GULP1: variants seen among roughly 807,000 people sequenced by gnomAD.
GULP1 encodes the protein GULP PTB domain containing engulfment adaptor 1.
A neutral mutation model predicts 40.9 loss-of-function variants in GULP1; 19 were observed. The ratio of observed to expected loss-of-function variants is 0.46; its 90% CI spans 0.32 to 0.68. GULP1 has a LOEUF of 0.68. GULP1 is among the 30% of genes least tolerant of loss of function. The pLI is 0.03. For synonymous variants in GULP1, 119 were observed against 117.6 expected (o/e 1.01, Z -0.08); for missense variants, 312 against 362.2 (o/e 0.86, Z 1.12).
chr2:188,418,300 C>T (rs984225136), intron 2 of GULP1, among the ~76,000 whole-genome samples: 21 of 152,074 alleles, frequency 1.4e-4, no homozygotes, highest in African/African-American at 5.1e-4. Flanking sequence ...TTGTGCTTCA[C>T]GTGTTTCATG....
chr2:188,317,832 C>T (rs115374367), intron 1 of GULP1, among the ~76,000 whole-genome samples: 4 of 150,366 alleles, frequency 2.7e-5, no homozygotes, highest in Non-Finnish European at 4.4e-5. Flanking sequence ...TATAGTGGAT[C>T]GAAGATGATA....
At chr2:188,474,677 A>G (rs1181560209) in intron 2 of GULP1, among the ~76,000 whole-genome samples, 1 of 152,136 alleles carries the variant, frequency 6.6e-6, no homozygotes, top group Non-Finnish European at 1.5e-5. Flanking sequence ...AAAACCAGGC[A>G]CTGTGAGTGC....
chr2:188,380,145 T>C (rs1434001386), intron 1 of GULP1, among the ~76,000 whole-genome samples: 6 of 152,182 alleles, frequency 3.9e-5, no homozygotes, highest in East Asian at 1.9e-4. Flanking sequence ...GTATGACTAT[T>C]TGCATGTCAT....
At chr2:188,463,771 A>G (rs994686254) in intron 2 of GULP1, among the ~76,000 whole-genome samples, 9 of 151,704 alleles carry the variant, frequency 5.9e-5, no homozygotes, top group African/African-American at 2.2e-4. Flanking sequence ...CCTCTGCTTT[A>G]TCAATTCTTC....
chr2:188,374,645 CA>C (rs2048060597), intron 1 of GULP1, among the ~76,000 whole-genome samples: 1 of 151,738 alleles, frequency 6.6e-6, no homozygotes, highest in Admixed American at 6.6e-5. Flanking sequence ...TAACTTATTC[CA>C]CATTCCCACT....
intron 5 of GULP1, among the ~76,000 whole-genome samples, chr2:188,527,530 AT>A (rs1398038065): frequency 1.5e-5 from 2 of 130,232 alleles, no homozygotes; most frequent in Non-Finnish European, 3.4e-5. Context: ...AGCTGGGATA[AT>A]TTTTAAAGAT....
intron 1 of GULP1, among the ~76,000 whole-genome samples, chr2:188,315,871 A>G (rs34583514): frequency 0.11 from 16,614 of 152,138 alleles, 1,191 homozygotes; most frequent in Middle Eastern, 0.17. Flanking sequence ...AAAATATCTT[A>G]ATATTTTCAG....
At chr2:188,503,185 C>G (rs1271942176) in intron 4 of GULP1, among the ~76,000 whole-genome samples, 1 of 151,868 alleles carries the variant, frequency 6.6e-6, no homozygotes, top group Admixed American at 6.6e-5. Context: ...CTTGAACTTT[C>G]TTAAAACATT....
At chr2:188,500,791 C>T (rs1322661683) in intron 4 of GULP1, among the ~76,000 whole-genome samples, 1 of 151,984 alleles carries the variant, frequency 6.6e-6, no homozygotes, top group Non-Finnish European at 1.5e-5. Flanking sequence ...TTGATACTCC[C>T]TCAATGGGGC....
chr2:188,304,864 C>A (rs117811211), intron 1 of GULP1, among the ~76,000 whole-genome samples: 1 of 152,182 alleles, frequency 6.6e-6, no homozygotes, highest in Non-Finnish European at 1.5e-5. Context: ...TCTCATACAA[C>A]AACAACCAGC....
intron 1 of GULP1, among the ~76,000 whole-genome samples, chr2:188,370,095 A>T (rs2047405328): frequency 6.6e-6 from 1 of 152,094 alleles, no homozygotes; most frequent in Admixed American, 6.6e-5. Context: ...TTTGTGCCAG[A>T]TCCCCACGTA....
At chr2:188,474,053 T>C (rs989720589) in intron 2 of GULP1, among the ~76,000 whole-genome samples, 3 of 152,128 alleles carry the variant, frequency 2.0e-5, no homozygotes, top group African/African-American at 7.2e-5. Flanking sequence ...TATCTTCTGG[T>C]GCAAGATGTC....
intron 7 of GULP1, among the ~76,000 whole-genome samples, chr2:188,551,569 TC>T (rs1693450571): frequency 6.6e-6 from 1 of 151,748 alleles, no homozygotes; most frequent in African/African-American, 2.4e-5. Flanking sequence ...CATCCATTTA[TC>T]CATTGGCGGA....
intron 1 of GULP1, among the ~76,000 whole-genome samples, chr2:188,344,804 A>T (rs1404991208): frequency 6.6e-6 from 1 of 152,184 alleles, no homozygotes; most frequent in East Asian, 1.9e-4. Flanking sequence ...TACTCATTGC[A>T]AATACACACA....
At chr2:188,564,918 C>T (rs1446082434) in intron 7 of GULP1, among the ~76,000 whole-genome samples, 2 of 151,310 alleles carry the variant, frequency 1.3e-5, no homozygotes, top group South Asian at 2.1e-4. Context: ...ATTTTTTTTC[C>T]CACAAATGTG....
chr2:188,540,175 A>G (rs1396913233), intron 6 of GULP1, among the ~76,000 whole-genome samples: 4 of 152,082 alleles, frequency 2.6e-5, no homozygotes, highest in African/African-American at 7.2e-5. Flanking sequence ...AAATATATTT[A>G]TGACTACAAC....
chr2:188,484,600 G>T lies in GULP1; in HGVS notation c.90+1108G>T, dbSNP rs1166458324. Among the ~76,000 whole-genome samples, 466 of 152,210 alleles carry T rather than the reference G, an allele frequency of 3.1e-3. 3 individuals are homozygous for T. The highest frequency in any genetic ancestry group is 5.6e-3 in the Non-Finnish European group (381 of 68,002). ...TATGGATTAGTGAAGTATACACTGG[G>T]ATACAGTGAGATTAGGCATAGCAAT... On this transcript the variant is annotated intron_variant, in intron 4 of 11. Transcript: ENST00000409830.
At chr2:188,471,004 G>T (rs1288622994) in intron 2 of GULP1, among the ~76,000 whole-genome samples, 1 of 152,026 alleles carries the variant, frequency 6.6e-6, no homozygotes, top group African/African-American at 2.4e-5. Context: ...GCTAAAAGTG[G>T]GATGTTGAAA....
chr2:188,295,833 A>G (rs1280455614), intron 1 of GULP1, among the ~76,000 whole-genome samples: 7 of 152,104 alleles, frequency 4.6e-5, no homozygotes, highest in Non-Finnish European at 8.8e-5. Context: ...GTTTGAGGAT[A>G]TATTAGGGTA....
Sources: gnomAD v4.1 joint callset for allele counts (sites outside exome capture counted in the v4.1 genomes callset) on GRCh38, gnomAD v4.1.1 for gene constraint, MANE v1.5 for transcripts, NCBI Gene and HGNC (gene_info 2026-07-23, HGNC 2026-07-21) for gene names.